AP3B1: variants seen among roughly 807,000 people sequenced by gnomAD.
AP3B1 encodes the protein adaptor related protein complex 3 subunit beta 1.
In AP3B1, 61 loss-of-function variants were observed where a neutral mutation model predicts 132.5. The observed-to-expected ratio is 0.46, with a 90% CI of 0.37 to 0.57. AP3B1 has a LOEUF of 0.57. AP3B1 is among the 20% of genes least tolerant of loss of function. AP3B1 has a pLI of 0.00. For missense variants in AP3B1, 1,120 were observed against 1,289.4 expected (o/e 0.87, Z 2.01); for synonymous variants, 388 against 438.3 (o/e 0.89, Z 1.43).
At chr5:78,008,788 T>C (rs534835763) in intron 26 of AP3B1, among the ~76,000 whole-genome samples, 1 of 152,320 alleles carries the variant, frequency 6.6e-6, no homozygotes, top group South Asian at 2.1e-4. Flanking sequence ...TCCAATGTTA[T>C]TTGAAAAGCA....
intron 7 of AP3B1, among the ~76,000 whole-genome samples, chr5:78,207,028 C>T (rs1385211781): frequency 6.6e-6 from 1 of 151,984 alleles, no homozygotes; most frequent in Admixed American, 6.6e-5. Context: ...GAGGCTGAGG[C>T]GGGTGGATCA....
intron 24 of AP3B1, among the ~76,000 whole-genome samples, chr5:78,022,164 T>C (rs1747134110): frequency 6.6e-6 from 1 of 152,166 alleles, no homozygotes. Flanking sequence ...AACCAATAAA[T>C]CCAATTTATT....
In AP3B1 at chr5:78,002,593, T is replaced by C. The variant is rs1580225312; in HGVS notation, c.*309A>G. On this transcript the variant is annotated 3_prime_UTR_variant, in exon 27 of 27. Transcript: ENST00000255194. ...TAAATATCTCATTCATGTCTACCAT[T>C]GTCGAAAAAGAGAAGGAAAACGAGG... 1.7e-6 allele frequency: 1 copy of C among 572,888 alleles called. No homozygotes were observed. Among genetic ancestry groups the C allele is most frequent in the East Asian group, 2.8e-5 (1 of 35,660 alleles). 35.5% of individuals were successfully genotyped at this position (572,888 alleles called of 1,614,324 possible).
rs1428925590 is a variant in AP3B1 at position 78,175,657 on chromosome 5, G to A, written c.1136C>T (p.Ser379Leu). The change falls in exon 11 of 27, where the codon TCA becomes TTA. Residue 379 changes from serine to leucine, a missense_variant. By Grantham distance (145) the Ser-to-Leu change is moderately radical. Coordinates refer to ENST00000255194, the MANE Select transcript of AP3B1 (RefSeq NM_003664.5). ...TGTCTTGATCATAGTTGGATCAGTT[G>A]ACCTAACATAGAAACTCTTCAGATA... Reference protein sequence around the residue: ...EPYLKSFYVRSTDPTMIKTLK... With the variant: ...EPYLKSFYVRLTDPTMIKTLK... 6.2e-7 allele frequency: 1 copy of A among 1,613,360 alleles called. No individual in the cohort carries two copies. Among genetic ancestry groups the A allele is most frequent in the Non-Finnish European group, 8.5e-7 (1 of 1,179,576 alleles).
chr5:78,114,974 G>A (rs990849286), intron 18 of AP3B1, among the ~76,000 whole-genome samples: 10 of 152,300 alleles, frequency 6.6e-5, no homozygotes, highest in African/African-American at 2.2e-4. Flanking sequence ...TTACTTTTCA[G>A]AGCTGTTGTG....
intron 15 of AP3B1, among the ~76,000 whole-genome samples, chr5:78,136,857 A>G (rs952603453): frequency 6.6e-6 from 1 of 152,158 alleles, no homozygotes; most frequent in Non-Finnish European, 1.5e-5. Context: ...TTAGAAGCAT[A>G]CATGTTGCAA....
chr5:78,053,685 A>AG, intron 22 of AP3B1, among the ~76,000 whole-genome samples: 1 of 144,400 alleles, frequency 6.9e-6, no homozygotes, highest in Non-Finnish European at 1.5e-5. Context: ...TCTCAAAAAA[A>AG]AAAAAAAAAA....
intron 24 of AP3B1, among the ~76,000 whole-genome samples, chr5:78,032,913 C>T (rs1747641233): frequency 6.6e-6 from 1 of 151,726 alleles, no homozygotes; most frequent in South Asian, 2.1e-4. Context: ...TCAAATACTA[C>T]CTGCATATAT....
At chr5:78,177,257 A>G (rs1475449560) in intron 9 of AP3B1, 82 bp downstream of exon 9, 1 of 914,494 alleles carries the variant, frequency 1.1e-6, no homozygotes, top group African/African-American at 1.7e-5. Flanking sequence ...GTTATATATT[A>G]AATGCCTGAA....
rs867912632 is a variant in AP3B1, at chr5:78,193,022, T to C, written c.787-11360A>G. 1.1e-4 allele frequency among the ~76,000 whole-genome samples: 17 copies of C among 152,204 alleles called. 1 individual carries two copies. The highest frequency in any genetic ancestry group is 6.5e-5 in the Admixed American group (1 of 15,284). Reference sequence around the variant, plus strand: ...TGATTAATATGTTCAAGGAATTAAGTGGTAGGATCGAGCTTTACGGCAGAT... The same window carrying C: ...TGATTAATATGTTCAAGGAATTAAGCGGTAGGATCGAGCTTTACGGCAGAT... On this transcript the variant is annotated intron_variant, in intron 7 of 26. Transcript: ENST00000255194.
chr5:78,095,086 T>C (rs1037267285), intron 21 of AP3B1, among the ~76,000 whole-genome samples: 5 of 152,238 alleles, frequency 3.3e-5, no homozygotes, highest in African/African-American at 1.2e-4. Flanking sequence ...CCTCATTTCA[T>C]CTATAATGCG....
chr5:78,091,996 A>G (rs1750535716), intron 21 of AP3B1, among the ~76,000 whole-genome samples: 1 of 152,212 alleles, frequency 6.6e-6, no homozygotes, highest in East Asian at 1.9e-4. Context: ...ATAAAAAGTG[A>G]ATGGTAGAAC....
At chr5:78,279,205 G>A (rs971120113) in intron 1 of AP3B1, among the ~76,000 whole-genome samples, 1 of 152,142 alleles carries the variant, frequency 6.6e-6, no homozygotes, top group African/African-American at 2.4e-5. Context: ...TGGGAGTTAT[G>A]AGATATGGGA....
chr5:78,005,386 A>G (rs1198276506), intron 26 of AP3B1, among the ~76,000 whole-genome samples: 1 of 152,202 alleles, frequency 6.6e-6, no homozygotes, highest in African/African-American at 2.4e-5. Flanking sequence ...ACTTAGAGTT[A>G]ATGTTACAAT....
chr5:78,055,599 C>A (rs968096386), intron 22 of AP3B1, among the ~76,000 whole-genome samples: 1 of 152,098 alleles, frequency 6.6e-6, no homozygotes, highest in Admixed American at 6.5e-5. Flanking sequence ...ATGTAATATT[C>A]TTCAGTGTCA....
intron 2 of AP3B1, among the ~76,000 whole-genome samples, chr5:78,260,809 G>A (rs1179730526): frequency 6.6e-6 from 1 of 152,018 alleles, no homozygotes. Flanking sequence ...TCCACTTTTT[G>A]TCTCTATGAG....
intron 2 of AP3B1, among the ~76,000 whole-genome samples, chr5:78,260,910 G>A (rs1038200345): frequency 1.3e-5 from 2 of 152,144 alleles, no homozygotes; most frequent in Admixed American, 6.5e-5. Flanking sequence ...AATGACTTAA[G>A]TAAGGTTCAT....
Position 78,039,231 on chromosome 5 carries a change from A to G in AP3B1, c.2621T>C (p.Leu874Pro). 6.2e-7 allele frequency: 1 copy of G among 1,614,216 alleles called. No individual in the cohort carries two copies. The highest frequency in any genetic ancestry group is 8.5e-7 in the Non-Finnish European group (1 of 1,180,038). Residue 874 changes from leucine to proline, a missense_variant, in exon 23 of 27, where the codon CTT becomes CCT. Coordinates refer to ENST00000255194, the MANE Select transcript of AP3B1 (RefSeq NM_003664.5). ...TAGTCCTTTTCCACTCATTCGATGAAGCAGCACGTGAGTTTTCGTTGGTAC... is the reference window on the plus strand; with the variant it reads ...TAGTCCTTTTCCACTCATTCGATGAGGCAGCACGTGAGTTTTCGTTGGTAC... ...AFVPTKTHVL[L>P]HRMSGKGLAA...
chr5:78,058,005 G>A (rs953534304), intron 22 of AP3B1, among the ~76,000 whole-genome samples: 4 of 152,048 alleles, frequency 2.6e-5, no homozygotes, highest in Admixed American at 1.3e-4. Context: ...CACAGTATGC[G>A]AATCATGTTT....
Sources: allele counts gnomAD v4.1 joint callset (sites outside exome capture counted in the v4.1 genomes callset), GRCh38; gene constraint gnomAD v4.1.1; transcripts MANE v1.5; gene names NCBI Gene and HGNC (gene_info 2026-07-23, HGNC 2026-07-21).